The following DECR2 variants were observed in gnomAD, a reference collection of about 807,000 sequenced individuals.
The protein encoded by DECR2 is 2,4-dienoyl-CoA reductase 2.
A neutral mutation model predicts 29.2 loss-of-function variants in DECR2; 34 were observed. The observed-to-expected ratio is 1.16, with a 90% CI of 0.89 to 1.55. DECR2 has a LOEUF of 1.55. Ranked by LOEUF, DECR2 falls within the 40% of genes most tolerant of loss-of-function variation. The pLI, the probability that DECR2 is intolerant of heterozygous loss-of-function variation, is 0.00. For synonymous variants in DECR2, 224 were observed against 182.7 expected (o/e 1.23, Z -1.82); for missense variants, 485 against 425.3 (o/e 1.14, Z -1.23).
Position 410,520 on chromosome 16 carries a change from C to A in DECR2, c.462+153C>A. ...CGGGGGCCTCCCCCTGACGGCCGCC[C>A]GCTCCCTGCCCTGGGCCTCCCCATG... On this transcript the variant is annotated intron_variant, in intron 5 of 8. Coordinates refer to ENST00000219481, the MANE Select transcript of DECR2 (RefSeq NM_020664.4). This position sits in a 1 kb window ranked among gnomAD's most constrained non-coding sequence, Gnocchi z 4.1. 7.3e-7 allele frequency: 1 copy of A among 1,365,860 alleles called. No homozygotes were observed. The highest frequency in any genetic ancestry group is 1.0e-6 in the Non-Finnish European group (1 of 1,000,068). 84.6% of individuals were successfully genotyped at this position (1,365,860 alleles called of 1,614,324 possible).
Position 410,452 on chromosome 16 carries a change from TGTG to T in DECR2, c.462+86_462+88del, listed in dbSNP as rs2054799324. ...GAGAAGTTCTTCCGGGTGGGTGCCT[TGTG>T]CGCTCTGTGAGAAGTTCTTCCGGGT... On this transcript the variant is annotated intron_variant, in intron 5 of 8. Coordinates refer to ENST00000219481, the MANE Select transcript of DECR2 (RefSeq NM_020664.4). This position sits in a 1 kb window ranked among gnomAD's most constrained non-coding sequence, Gnocchi z 4.1. 32 of 1,562,484 alleles carry T rather than the reference TGTG, an allele frequency of 2.0e-5. No individual in the cohort carries two copies. The highest frequency in any genetic ancestry group is 1.4e-4 in the East Asian group (6 of 43,550).
Position 410,365 on chromosome 16 carries a change from C to A in DECR2, c.460C>A (p.Arg154=), listed in dbSNP as rs150670530. 6.3e-7 allele frequency: 1 copy of A among 1,597,790 alleles called. No homozygotes were observed. Among genetic ancestry groups the A allele is most frequent in the African/African-American group, 1.4e-5 (1 of 70,962 alleles). ...TCGTGTGCTCTATGAGAAGTTCTTC[C>A]GGGTGGGTGCCTCGTGCGCTCTGTG... is the stretch of plus-strand genomic sequence containing the variant. ...VSRVLYEKFF[R]DHGGVIVNIT... is the part of the protein sequence containing the mutation. The change falls in exon 5 of 9, where the codon CGG becomes AGG. Residue 154 remains arginine (R), a splice_region_variant and synonymous_variant. Coordinates refer to ENST00000219481, the MANE Select transcript of DECR2 (RefSeq NM_020664.4). This position sits in a 1 kb window ranked among gnomAD's most constrained non-coding sequence, Gnocchi z 4.1.
chr16:406,309 G>A (rs369458070), intron 2 of DECR2, 37 bp from the exon 3 acceptor site: 15 of 1,599,322 alleles, frequency 9.4e-6, no homozygotes, highest in East Asian at 2.2e-5. Flanking sequence ...AGTGCCCCTC[G>A]CCCACACTGC....
At chr16:404,066 T>G (rs1256685009) in intron 1 of DECR2, among the ~76,000 whole-genome samples, 9 of 150,974 alleles carry the variant, frequency 6.0e-5, no homozygotes. Context: ...CCAGCTACTC[T>G]GGAGGCTGAG....
Position 410,010 on chromosome 16 carries a change from G to A in DECR2, c.338-233G>A, listed in dbSNP as rs184744577. The A allele has an allele frequency of 1.1e-4, 61 of 544,812 alleles. No homozygotes were observed. Among genetic ancestry groups the A allele is most frequent in the African/African-American group, 6.8e-4 (36 of 53,030 alleles). 33.7% of individuals were successfully genotyped at this position (544,812 alleles called of 1,614,324 possible). A position where few individuals can be genotyped will look rare whatever the true frequency, so the allele number is the denominator to read the frequency against. On this transcript the variant is annotated intron_variant, in intron 4 of 8. Coordinates refer to ENST00000219481, the MANE Select transcript of DECR2 (RefSeq NM_020664.4). The surrounding 1 kb of genome is among the most constrained non-coding windows in gnomAD (Gnocchi z 4.1). ...CCCATTTCCAAACAAGGCCACAGTCGCAGGTACGGAGCCAGGGCTTCAGCA... is the reference window on the plus strand; with the variant it reads ...CCCATTTCCAAACAAGGCCACAGTCACAGGTACGGAGCCAGGGCTTCAGCA...
chr16:408,862 G>A (rs1240569853), intron 4 of DECR2, among the ~76,000 whole-genome samples: 2 of 143,248 alleles, frequency 1.4e-5, no homozygotes, highest in African/African-American at 2.7e-5. Flanking sequence ...AGGGAGTTTC[G>A]CTCTTGTTGC....
chr16:406,159 G>A (rs962825682), intron 2 of DECR2, among the ~76,000 whole-genome samples, 187 bp from the exon 3 acceptor site: 15 of 152,192 alleles, frequency 9.9e-5, no homozygotes, highest in South Asian at 2.1e-4. Flanking sequence ...CAGAAACCCC[G>A]GGGTGGGCAC....
At chr16:409,945 G>C (rs2054790651) in intron 4 of DECR2, 3 of 413,222 alleles carry the variant, frequency 7.3e-6, no homozygotes, top group Admixed American at 7.5e-5. Flanking sequence ...ACCCTAATTC[G>C]TTGTGACTTC....
At chr16:410,000 G>T in intron 4 of DECR2, 1 of 533,980 alleles carries the variant, frequency 1.9e-6, no homozygotes, top group Non-Finnish European at 3.3e-6. Context: ...TTCCAAACAA[G>T]GCCACAGTCG....
chr16:404,850 G>C, intron 1 of DECR2, 106 bp from the exon 2 acceptor site: 2 of 1,045,330 alleles, frequency 1.9e-6, no homozygotes, highest in Non-Finnish European at 2.9e-6. Context: ...AGCTGGTCTC[G>C]ATCTCCTGAC....
chr16:407,417 G>T lies in DECR2; in HGVS notation c.202-8G>T, dbSNP rs752669352. 3.7e-5 allele frequency: 59 copies of T among 1,602,794 alleles called. No homozygotes were observed. Among genetic ancestry groups the T allele is most frequent in the Non-Finnish European group, 5.0e-5 (59 of 1,176,918 alleles). ...GGGCTGCTGTCTGCCTCTTTACCTG[G>T]CTTCTAGGCCGCCAGGAAGCTGGCT... On this transcript the variant is annotated splice_region_variant and splice_polypyrimidine_tract_variant and intron_variant, in intron 3 of 8. Coordinates refer to ENST00000219481, the MANE Select transcript of DECR2 (RefSeq NM_020664.4).
At chr16:411,228 C>A in intron 7 of DECR2, 133 bp from the exon 8 acceptor site, 1 of 1,175,934 alleles carries the variant, frequency 8.5e-7, no homozygotes, top group Non-Finnish European at 1.2e-6. Context: ...CCTGATCCTG[C>A]TCCATGCTAG....
Position 411,470 on chromosome 16 carries a change from T to C in DECR2, c.771T>C (p.Ala257=), listed in dbSNP as rs1202915693. The C allele has an allele frequency of 6.2e-7, 1 of 1,613,922 alleles. No individual in the cohort carries two copies. Reference sequence around the variant, plus strand: ...TGCTCTACCTGGCCAGCCCTCTGGCTTCCTACGTGACGGGGGCCGTGCTGG... The same window carrying C: ...TGCTCTACCTGGCCAGCCCTCTGGCCTCCTACGTGACGGGGGCCGTGCTGG... ...HSVLYLASPL[A]SYVTGAVLVA... is the part of the protein sequence containing the mutation. The change falls in exon 8 of 9, where the codon GCT becomes GCC. Residue 257 remains alanine (A), a synonymous_variant. Transcript: ENST00000219481.
At chr16:402,985 A>G in intron 1 of DECR2, 2 of 979,888 alleles carry the variant, frequency 2.0e-6, no homozygotes, top group Non-Finnish European at 2.4e-6. Flanking sequence ...TCTCAAAAAA[A>G]GAAAACAAGT....
intron 1 of DECR2, 136 bp downstream of exon 1, chr16:402,179 C>CA: frequency 1.8e-6 from 1 of 545,584 alleles, no homozygotes; most frequent in Non-Finnish European, 2.7e-6. Context: ...TTTTTTCTTT[C>CA]TTTTTTTTTT....
chr16:407,190 C>T lies in DECR2; in HGVS notation c.202-235C>T, dbSNP rs117423281. The T allele has an allele frequency of 6.7e-5, 90 of 1,344,562 alleles. No individual in the cohort carries two copies. In the East Asian group the frequency reaches 1.9e-3, roughly 29 times the overall value. 83.3% of individuals were successfully genotyped at this position (1,344,562 alleles called of 1,614,324 possible). ...ACATGGGTGACAGTGGCCTGGAGGG[C>T]GACGCAGAGGGAGGATTCTAGGACA... On this transcript the variant is annotated intron_variant, in intron 3 of 8. Transcript: ENST00000219481.
Position 401,992 on chromosome 16 carries a change from G to C in DECR2, c.29G>C (p.Gly10Ala), listed in dbSNP as rs759401789. 1.5e-5 allele frequency: 23 copies of C among 1,490,810 alleles called. No homozygotes were observed. The African/African-American group carries it at 3.0e-4, about 20-fold the overall frequency. 92.3% of individuals were successfully genotyped at this position (1,490,810 alleles called of 1,614,324 possible). The change falls in exon 1 of 9, where the codon GGG becomes GCG. Residue 10 changes from glycine to alanine, a missense_variant. Coordinates refer to ENST00000219481, the MANE Select transcript of DECR2 (RefSeq NM_020664.4). MAQPPPDVE[G>A]DDCLPAYRHL... is the part of the protein sequence containing the mutation. ...GCCCAGCCGCCGCCCGACGTGGAGGGGGACGACTGTCTCCCCGCGTACCGC... is the reference window on the plus strand; with the variant it reads ...GCCCAGCCGCCGCCCGACGTGGAGGCGGACGACTGTCTCCCCGCGTACCGC...
At chr16:403,115 C>A in intron 1 of DECR2, 1 of 798,060 alleles carries the variant, frequency 1.3e-6, no homozygotes, top group Non-Finnish European at 1.5e-6. Flanking sequence ...TCTCCTGCCT[C>A]AGCCTCCCAA....
At chr16:406,776 A>G (rs772666540) in intron 3 of DECR2, 3 of 731,958 alleles carry the variant, frequency 4.1e-6, no homozygotes, top group Non-Finnish European at 5.5e-6. Context: ...CCAGGATTAC[A>G]GGTGTGAACC....
Sources: allele counts gnomAD v4.1 joint callset (sites outside exome capture counted in the v4.1 genomes callset), GRCh38; gene constraint gnomAD v4.1.1; non-coding constraint Gnocchi (gnomAD v3.1); transcripts MANE v1.5; gene names NCBI Gene and HGNC (gene_info 2026-07-23, HGNC 2026-07-21).